KCNIP1: variants seen among roughly 807,000 people sequenced by gnomAD.
KCNIP1 encodes the protein A-type potassium channel modulatory protein KCNIP1.
In KCNIP1, 18 loss-of-function variants were observed where a neutral mutation model predicts 33.0. The ratio of observed to expected loss-of-function variants is 0.55; its 90% confidence interval spans 0.38 to 0.81. The LOEUF (loss-of-function observed/expected upper bound fraction) is 0.81. Among genes scored for constraint, KCNIP1 ranks in the 30% least tolerant of loss-of-function variants. The probability of loss-of-function intolerance (pLI) is 0.00; values close to 1 mark genes in which losing one functional copy is unlikely to be tolerated. For synonymous variants in KCNIP1, 93 were observed against 98.3 expected, an observed-to-expected ratio of 0.95 and a Z score of 0.32; for missense variants, 238 against 271.6, an observed-to-expected ratio of 0.88 and a Z score of 0.87.
intron 1 of KCNIP1, among the ~76,000 whole-genome samples, chr5:170,665,872 G>T (rs1046556793): frequency 2.6e-5 from 4 of 152,158 alleles, no homozygotes; most frequent in Admixed American, 6.5e-5. Context: ...CTGGGGTTTG[G>T]GGAGGAAGAG....
intron 1 of KCNIP1, among the ~76,000 whole-genome samples, chr5:170,605,165 A>T (rs1758856759): frequency 6.6e-6 from 1 of 152,050 alleles, no homozygotes; most frequent in Admixed American, 6.5e-5. Context: ...AGAATCTGCC[A>T]TGCCCCTGCC....
intron 1 of KCNIP1, among the ~76,000 whole-genome samples, chr5:170,646,112 G>A (rs949044497): frequency 7.2e-5 from 11 of 152,076 alleles, no homozygotes; most frequent in East Asian, 1.9e-4. Flanking sequence ...ACATCCTTTC[G>A]AAACAGAAAG....
chr5:170,683,567 T>C (rs920222541), intron 1 of KCNIP1, among the ~76,000 whole-genome samples: 1 of 152,114 alleles, frequency 6.6e-6, no homozygotes, highest in African/African-American at 2.4e-5. Context: ...GGAGACTCTG[T>C]TCACAATTTG....
chr5:170,388,414 AG>A (rs1411767896), intron 1 of KCNIP1, among the ~76,000 whole-genome samples: 1 of 152,228 alleles, frequency 6.6e-6, no homozygotes, highest in Non-Finnish European at 1.5e-5. Flanking sequence ...AAAAGGAAGA[AG>A]TGGGTTTCAG....
chr5:170,655,433 C>A (rs1261592779), intron 1 of KCNIP1, among the ~76,000 whole-genome samples: 1 of 152,178 alleles, frequency 6.6e-6, no homozygotes, highest in Non-Finnish European at 1.5e-5. Flanking sequence ...AGTTTCTCCC[C>A]GGATCCCATT....
chr5:170,355,185 C>T (rs1266612300), intron 1 of KCNIP1, among the ~76,000 whole-genome samples: 1 of 152,170 alleles, frequency 6.6e-6, no homozygotes, highest in Non-Finnish European at 1.5e-5. Context: ...TGGGGCACTG[C>T]TCTTCCAAGA....
chr5:170,542,854 A>G (rs1027792549), intron 1 of KCNIP1, among the ~76,000 whole-genome samples: 1 of 152,214 alleles, frequency 6.6e-6, no homozygotes, highest in Non-Finnish European at 1.5e-5. Flanking sequence ...TCAAACTGCA[A>G]GTGGCCATGG....
intron 1 of KCNIP1, among the ~76,000 whole-genome samples, chr5:170,616,347 C>G (rs1309261398): frequency 6.6e-6 from 1 of 152,164 alleles, no homozygotes; most frequent in Admixed American, 6.5e-5. Flanking sequence ...TGGGATTCAT[C>G]AGGGATCAAA....
chr5:170,470,982 G>A (rs552496903), intron 1 of KCNIP1, among the ~76,000 whole-genome samples: 5 of 152,300 alleles, frequency 3.3e-5, no homozygotes, highest in East Asian at 3.9e-4. Context: ...ACTCAGGGAC[G>A]TAGGTTGAGA....
rs185908644 is a variant in KCNIP1, at chr5:170,402,274, T to A, written c.88+48310T>A. ...TACCAGAAATTTGGACATGGACATA[T>A]CTTTTGTGGGGACCCCATTCAAGTC... On this transcript the variant is annotated intron_variant, in intron 1 of 7. Transcript: ENST00000377360. 3.3e-5 allele frequency among the ~76,000 whole-genome samples: 5 copies of A among 152,326 alleles called. No individual in the cohort carries two copies. The East Asian group carries it at 9.6e-4, about 29-fold the overall frequency.
intron 1 of KCNIP1, among the ~76,000 whole-genome samples, chr5:170,585,236 A>G (rs115654270): frequency 6.6e-6 from 1 of 152,208 alleles, no homozygotes; most frequent in East Asian, 1.9e-4. Context: ...TGTCACAGGT[A>G]GCAGTGTCCT....
At position 170,504,354 on chromosome 5, in the gene KCNIP1, G is replaced by A. The variant is rs897190363; in HGVS notation, c.-219G>A. ...GGGGAAGCGGTTCCGAAGGCTCGCG[G>A]GGAGCGGCTAGCCCTGAGTCCCTGC... On this transcript the variant is annotated 5_prime_UTR_variant, in exon 1 of 8. Coordinates refer to ENST00000328939, the MANE Select transcript of KCNIP1 (RefSeq NM_014592.4). This position sits in a 1 kb window ranked among gnomAD's most constrained non-coding sequence, Gnocchi z 6.0. The A allele has an allele frequency of 6.4e-6, 9 of 1,396,816 alleles. No individual in the cohort carries two copies. The highest frequency in any genetic ancestry group is 8.3e-6 in the Non-Finnish European group (9 of 1,081,016). The allele number at this position is 1,396,816 out of a possible 1,614,324, so 86.5% of individuals were successfully genotyped here.
Position 170,735,923 on chromosome 5 carries a change from A to G in KCNIP1, c.*117A>G. 1 of 872,366 alleles carries G rather than the reference A, an allele frequency of 1.1e-6. No homozygotes were observed. The highest frequency in any genetic ancestry group is 2.5e-5 in the East Asian group (1 of 40,512). The allele number at this position is 872,366 out of a possible 1,614,324, so 54.0% of individuals were successfully genotyped here. ...AACTCTTGGGACAGAAACACCTTTT[A>G]CACTTTGGAAGAATTCTCTGCTGAA... On this transcript the variant is annotated 3_prime_UTR_variant, in exon 8 of 8. Coordinates refer to ENST00000328939, the MANE Select transcript of KCNIP1 (RefSeq NM_014592.4).
intron 1 of KCNIP1, among the ~76,000 whole-genome samples, chr5:170,414,670 C>T (rs2113413410): frequency 6.6e-6 from 1 of 152,322 alleles, no homozygotes; most frequent in South Asian, 2.1e-4. Context: ...TCTTTTATCA[C>T]TCTATTAATG....
At chr5:170,618,564 A>AGGGAGGGAGGGG (rs1759488373) in intron 1 of KCNIP1, among the ~76,000 whole-genome samples, 1 of 26,740 alleles carries the variant, frequency 3.7e-5, no homozygotes, top group Non-Finnish European at 7.3e-5. Context: ...GGAGGGAGGG[A>AGGGAGGGAGGGG]GGGAGGGAGC....
intron 1 of KCNIP1, among the ~76,000 whole-genome samples, chr5:170,386,229 G>A (rs1764466732): frequency 1.3e-5 from 2 of 152,192 alleles, no homozygotes; most frequent in African/African-American, 4.8e-5. Context: ...CCTAATAAGA[G>A]GGAAGTGAAG....
At chr5:170,716,232 G>C (rs35969807) in intron 1 of KCNIP1, among the ~76,000 whole-genome samples, 9,091 of 152,214 alleles carry the variant, frequency 0.06, 341 homozygotes, top group Middle Eastern at 0.12. Flanking sequence ...AGTCTACAAA[G>C]GAATACATTA....
chr5:170,379,119 G>A, intron 1 of KCNIP1: 2 of 942,692 alleles, frequency 2.1e-6, no homozygotes, highest in South Asian at 3.5e-5. Context: ...GGCAGGCCAT[G>A]CGCTGTACAG....
chr5:170,627,096 A>G (rs1759860953), intron 1 of KCNIP1, among the ~76,000 whole-genome samples: 6 of 152,012 alleles, frequency 3.9e-5, no homozygotes, highest in Admixed American at 3.9e-4. Flanking sequence ...GGCTCTGACG[A>G]TGCATCCCTC....
Sources: allele counts gnomAD v4.1 joint callset (sites outside exome capture counted in the v4.1 genomes callset), GRCh38; gene constraint gnomAD v4.1.1; non-coding constraint Gnocchi (gnomAD v3.1); transcripts MANE v1.5; gene names NCBI Gene and HGNC (gene_info 2026-07-23, HGNC 2026-07-21).